The following SLC8A1 variants were observed in gnomAD, a reference collection of about 807,000 sequenced individuals.
The protein encoded by SLC8A1 is solute carrier family 8 member A1, also known as sodium/calcium exchanger 1.
SLC8A1 carries 18 observed loss-of-function variants against 68.3 expected under a neutral mutation model. The observed-to-expected ratio is 0.26, with a 90% CI of 0.18 to 0.39. The LOEUF (loss-of-function observed/expected upper bound fraction) is 0.39, where lower values mean the gene tolerates loss of function less well. SLC8A1 is among the 10% of genes least tolerant of loss of function. The pLI, the probability that SLC8A1 is intolerant of heterozygous loss-of-function variation, is 1.00. For synonymous variants in SLC8A1, 475 were observed against 415.5 expected (o/e 1.14, Z -1.74); for missense variants, 985 against 1,156.7 (o/e 0.85, Z 2.15).
intron 2 of SLC8A1, among the ~76,000 whole-genome samples, chr2:40,356,995 G>C (rs1672868423): frequency 6.6e-6 from 1 of 152,166 alleles, no homozygotes; most frequent in Non-Finnish European, 1.5e-5. Flanking sequence ...TGAGTATTCA[G>C]AGTATAATTC....
chr2:40,464,352 C>A (rs1703533998), intron 1 of SLC8A1, among the ~76,000 whole-genome samples: 1 of 152,190 alleles, frequency 6.6e-6, no homozygotes, highest in Non-Finnish European at 1.5e-5. Flanking sequence ...TTAAAAGATT[C>A]CTTCATTTCT....
chr2:40,328,684 G>T (rs759372795), intron 2 of SLC8A1, among the ~76,000 whole-genome samples: 1 of 152,106 alleles, frequency 6.6e-6, no homozygotes, highest in Admixed American at 6.5e-5. Flanking sequence ...ACCACAGTTC[G>T]CAAGCGTGTC....
At chr2:40,133,400 G>C (rs4989894) in intron 7 of SLC8A1, among the ~76,000 whole-genome samples, 6 of 150,066 alleles carry the variant, frequency 4.0e-5, no homozygotes, top group African/African-American at 1.0e-4. Context: ...TTGGGGGGGG[G>C]GGGGGTGGAA....
At chr2:40,482,324 G>C (rs926415197) in intron 1 of SLC8A1, among the ~76,000 whole-genome samples, 1 of 152,116 alleles carries the variant, frequency 6.6e-6, no homozygotes. Flanking sequence ...GAACTGCCAG[G>C]GGAGGCTTTG....
chr2:40,135,499 C>T (rs1300126196), intron 7 of SLC8A1, among the ~76,000 whole-genome samples: 4 of 152,036 alleles, frequency 2.6e-5, no homozygotes, highest in Non-Finnish European at 5.9e-5. Flanking sequence ...AGGGGGATCA[C>T]CTAAGGTCAA....
Position 40,417,229 on chromosome 2 carries a change from G to T in SLC8A1, c.1808+11244C>A, listed in dbSNP as rs142499724. Among the ~76,000 whole-genome samples the T allele has an allele frequency of 9.4e-3, 1,431 of 152,112 alleles. 23 individuals are homozygous for T. The highest frequency in any genetic ancestry group is 0.033 in the African/African-American group (1,358 of 41,502). ...GGTTTGTTATATAGGTAAACTGCAT[G>T]TCATGGGGGTTTGGTGTACAGATTA... On this transcript the variant is annotated intron_variant, in intron 2 of 7. Transcript: ENST00000406785.
chr2:40,274,449 G>C (rs758817297), intron 2 of SLC8A1, among the ~76,000 whole-genome samples: 15 of 152,094 alleles, frequency 9.9e-5, no homozygotes, highest in Non-Finnish European at 2.1e-4. Flanking sequence ...GAATGGGGCT[G>C]TCTCTGGAAA....
At chr2:40,348,793 T>A (rs1670149872) in intron 2 of SLC8A1, among the ~76,000 whole-genome samples, 1 of 152,122 alleles carries the variant, frequency 6.6e-6, no homozygotes, top group Non-Finnish European at 1.5e-5. Flanking sequence ...CGGTATTCAG[T>A]CTGGAGGAAA....
intron 1 of SLC8A1, among the ~76,000 whole-genome samples, chr2:40,443,393 T>A (rs139517874): frequency 2.6e-5 from 4 of 152,214 alleles, no homozygotes; most frequent in Non-Finnish European, 5.9e-5. Flanking sequence ...AAAAATAACA[T>A]CTAAGCTGAG....
chr2:40,414,280 C>G (rs1320033290), intron 2 of SLC8A1, among the ~76,000 whole-genome samples: 1 of 152,156 alleles, frequency 6.6e-6, no homozygotes, highest in Non-Finnish European at 1.5e-5. Flanking sequence ...GCCACAAAGA[C>G]AGCTAGACCG....
chr2:40,502,104 G>A (rs1706093616), intron 1 of SLC8A1, among the ~76,000 whole-genome samples: 1 of 152,070 alleles, frequency 6.6e-6, no homozygotes, highest in South Asian at 2.1e-4. Context: ...TAGGCCAATG[G>A]ATATAGACAG....
chr2:40,314,545 T>C (rs908316919), intron 2 of SLC8A1, among the ~76,000 whole-genome samples: 4 of 152,000 alleles, frequency 2.6e-5, no homozygotes, highest in African/African-American at 9.7e-5. Context: ...AAAAAATGCT[T>C]ATTGGGATTT....
chr2:40,432,531 A>T (rs1698570514), intron 1 of SLC8A1, among the ~76,000 whole-genome samples: 1 of 150,306 alleles, frequency 6.7e-6, no homozygotes, highest in Non-Finnish European at 1.5e-5. Context: ...GACACGAAAG[A>T]TCAAGTTTTG....
At chr2:40,313,962 T>C (rs1296652085) in intron 2 of SLC8A1, among the ~76,000 whole-genome samples, 2 of 152,136 alleles carry the variant, frequency 1.3e-5, no homozygotes, top group African/African-American at 4.8e-5. Flanking sequence ...CAGTATTTTC[T>C]TTCAGTCTAG....
At chr2:40,099,142 A>G (rs1402793811) in exon 8 of SLC8A1, 3 of 152,078 alleles carry the variant, frequency 2.0e-5, no homozygotes, top group Non-Finnish European at 4.4e-5. Flanking sequence ...CATAATTTCA[A>G]CAATATGGTC....
chr2:40,168,271 A>G (rs988242421), intron 4 of SLC8A1, among the ~76,000 whole-genome samples: 3 of 152,144 alleles, frequency 2.0e-5, no homozygotes, highest in African/African-American at 7.2e-5. Flanking sequence ...AAGCTTCAGG[A>G]AAGAGGAGCT....
exon 6 of SLC8A1, chr2:40,160,836 G>C: frequency 6.2e-7 from 1 of 1,613,166 alleles, no homozygotes; most frequent in Non-Finnish European, 8.5e-7. Flanking sequence ...GGCCAGGTTT[G>C]TCTTCTTAAT....
Position 40,358,941 on chromosome 2 carries a change from C to G in SLC8A1, c.1808+69532G>C, listed in dbSNP as rs189717245. On this transcript the variant is annotated intron_variant, in intron 2 of 7. Transcript: ENST00000406785. ...TTACTGAGCAGGAGACGCTTTGTAC[C>G]TGAGAGGAAAACGAGAGCTTACTGG... is the stretch of plus-strand genomic sequence containing the variant. 6.6e-5 allele frequency among the ~76,000 whole-genome samples: 10 copies of G among 152,178 alleles called. No individual in the cohort carries two copies. The East Asian group carries it at 1.9e-3, about 29-fold the overall frequency.
intron 2 of SLC8A1, among the ~76,000 whole-genome samples, chr2:40,320,279 G>C (rs1445113334): frequency 6.6e-6 from 1 of 151,726 alleles, no homozygotes; most frequent in South Asian, 2.1e-4. Context: ...ATAAACATCC[G>C]ATGTTTTCAT....
Sources: allele counts gnomAD v4.1 joint callset (sites outside exome capture counted in the v4.1 genomes callset), GRCh38; gene constraint gnomAD v4.1.1; transcripts MANE v1.5; gene names NCBI Gene and HGNC (gene_info 2026-07-23, HGNC 2026-07-21).